FRMD4A: variants seen among roughly 807,000 people sequenced by gnomAD.
FRMD4A encodes FERM domain containing 4A, also known as FERM domain-containing protein 4A.
In FRMD4A, 29 loss-of-function variants were observed where a neutral mutation model predicts 129.1. That is an observed-to-expected ratio of 0.22 (90% CI 0.17 to 0.31). The LOEUF is 0.31. FRMD4A is among the 10% of genes least tolerant of loss of function. The pLI, the probability that FRMD4A is intolerant of heterozygous loss-of-function variation, is 1.00. For synonymous variants in FRMD4A, 634 were observed against 571.6 expected (o/e 1.11, Z -1.56); for missense variants, 1,272 against 1,375.8 (o/e 0.92, Z 1.19).
At position 13,652,030 on chromosome 10, in the gene FRMD4A, A is replaced by T. The variant is rs1467238804; in HGVS notation, c.3051-56T>A. 5.5e-6 allele frequency: 5 copies of T among 901,758 alleles called. No individual in the cohort carries two copies. In the Admixed American group the frequency reaches 8.5e-5, roughly 15 times the overall value. The allele number at this position is 901,758 out of a possible 1,614,324, so 55.9% of individuals were successfully genotyped here. ...AAGAGAGGTCATGTTACAGAGAGAC[A>T]CTGACACAGACACAGACACGATTAG... On this transcript the variant is annotated intron_variant, in intron 23 of 24. Coordinates refer to ENST00000357447, the MANE Select transcript of FRMD4A (RefSeq NM_018027.5).
chr10:14,127,978 C>CTCTTTCTTTCTTTCTTTCTTTCTTTCTTT, intron 2 of FRMD4A, among the ~76,000 whole-genome samples: 1 of 47,854 alleles, frequency 2.1e-5, no homozygotes, highest in African/African-American at 8.5e-5. Flanking sequence ...TTCTTTCTTT[C>CTCTTTCTTTCTTTCTTTCTTTCTTTCTTT]CTTCTCTCTC....
At chr10:13,912,069 G>A (rs1030829008) in intron 2 of FRMD4A, among the ~76,000 whole-genome samples, 5 of 152,122 alleles carry the variant, frequency 3.3e-5, no homozygotes, top group African/African-American at 9.7e-5. Context: ...AAATGAATAT[G>A]CACAATCCAA....
At chr10:13,803,684 T>C (rs553775620) in intron 4 of FRMD4A, among the ~76,000 whole-genome samples, 3 of 152,244 alleles carry the variant, frequency 2.0e-5, no homozygotes, top group Non-Finnish European at 2.9e-5. Context: ...TGTGAATCAC[T>C]TCCTAATCTA....
chr10:13,814,633 AAAAAAGAAAGAAAG>A (rs1254382187), intron 3 of FRMD4A, among the ~76,000 whole-genome samples: 1 of 150,858 alleles, frequency 6.6e-6, no homozygotes, highest in Non-Finnish European at 1.5e-5. Context: ...AGAGAGAGAA[AAAAAAGAAAGAAAG>A]AAAGAGAGAC....
intron 2 of FRMD4A, among the ~76,000 whole-genome samples, chr10:14,069,215 C>T (rs1347803755): frequency 6.6e-6 from 1 of 152,142 alleles, no homozygotes; most frequent in Non-Finnish European, 1.5e-5. Flanking sequence ...TCTTGGTCTG[C>T]CACTAATTCA....
chr10:14,095,348 A>G (rs954745834), intron 2 of FRMD4A, among the ~76,000 whole-genome samples: 3 of 152,172 alleles, frequency 2.0e-5, no homozygotes, highest in African/African-American at 7.2e-5. Context: ...GCTAGCCATC[A>G]CTTTCATGCT....
intron 2 of FRMD4A, among the ~76,000 whole-genome samples, chr10:14,188,475 A>G (rs909727077): frequency 6.6e-6 from 1 of 152,070 alleles, no homozygotes; most frequent in Non-Finnish European, 1.5e-5. Flanking sequence ...TCATTATCCA[A>G]TCATTCCCTC....
intron 2 of FRMD4A, among the ~76,000 whole-genome samples, chr10:13,908,985 C>T (rs2094911826): frequency 1.3e-5 from 2 of 152,326 alleles, no homozygotes; most frequent in Middle Eastern, 3.4e-3. Context: ...GTGAGGCCAT[C>T]GCTGTACAGC....
At chr10:14,235,495 C>T (rs888110923) in intron 2 of FRMD4A, among the ~76,000 whole-genome samples, 3 of 152,124 alleles carry the variant, frequency 2.0e-5, no homozygotes, top group African/African-American at 2.4e-5. Context: ...TGCTAGGAAG[C>T]GCTCTGTTTT....
chr10:14,284,870 G>T (rs1271515504), intron 2 of FRMD4A, among the ~76,000 whole-genome samples: 1 of 152,082 alleles, frequency 6.6e-6, no homozygotes, highest in Non-Finnish European at 1.5e-5. Context: ...CCACTCAAAT[G>T]CTTCTTCCTC....
At chr10:14,150,243 A>G (rs1015260656) in intron 2 of FRMD4A, among the ~76,000 whole-genome samples, 12 of 152,180 alleles carry the variant, frequency 7.9e-5, no homozygotes, top group Admixed American at 2.0e-4. Flanking sequence ...CCTAGTCTAC[A>G]GTATTGATCC....
At chr10:14,030,894 C>T (rs1484990443) in intron 2 of FRMD4A, among the ~76,000 whole-genome samples, 1 of 152,176 alleles carries the variant, frequency 6.6e-6, no homozygotes, top group Non-Finnish European at 1.5e-5. Flanking sequence ...CATCCATCTC[C>T]AGCCCCACCG....
At chr10:14,260,751 C>A (rs905948362) in intron 2 of FRMD4A, among the ~76,000 whole-genome samples, 1 of 152,134 alleles carries the variant, frequency 6.6e-6, no homozygotes, top group Non-Finnish European at 1.5e-5. Context: ...GATGATGAAA[C>A]AGGAATTTTG....
chr10:14,314,529 AAAG>A (rs1846665860), intron 2 of FRMD4A, among the ~76,000 whole-genome samples: 2 of 152,210 alleles, frequency 1.3e-5, no homozygotes, highest in Admixed American at 1.3e-4. Flanking sequence ...TCCCTGATAA[AAAG>A]AAACACAAGG....
intron 2 of FRMD4A, among the ~76,000 whole-genome samples, chr10:13,966,150 G>A (rs1314767495): frequency 2.0e-5 from 3 of 152,114 alleles, no homozygotes. Flanking sequence ...CTCCTCAGTA[G>A]CTGGGATTAC....
At chr10:13,856,864 T>C (rs2094220692) in intron 3 of FRMD4A, among the ~76,000 whole-genome samples, 1 of 152,206 alleles carries the variant, frequency 6.6e-6, no homozygotes, top group Admixed American at 6.6e-5. Context: ...CATTTCCTAT[T>C]CCAGAAGGTG....
At chr10:14,045,419 C>A (rs777899841) in intron 2 of FRMD4A, among the ~76,000 whole-genome samples, 1 of 152,134 alleles carries the variant, frequency 6.6e-6, no homozygotes, top group Admixed American at 6.6e-5. Flanking sequence ...TACTCGCTCT[C>A]TTAATGTCCA....
At chr10:14,021,624 T>C (rs578083801) in intron 2 of FRMD4A, among the ~76,000 whole-genome samples, 1 of 152,166 alleles carries the variant, frequency 6.6e-6, no homozygotes, top group South Asian at 2.1e-4. Flanking sequence ...TCTGTTTCCC[T>C]CTGGGGGAGG....
At chr10:13,666,048 C>T (rs372585124) in intron 18 of FRMD4A, 49 bp downstream of exon 18, 65 of 1,164,314 alleles carry the variant, frequency 5.6e-5, no homozygotes, top group Admixed American at 2.6e-4. Flanking sequence ...GTCTGGTTGC[C>T]GGGGCCCGGG....
Sources: gnomAD v4.1 joint callset for allele counts (sites outside exome capture counted in the v4.1 genomes callset) on GRCh38, gnomAD v4.1.1 for gene constraint, MANE v1.5 for transcripts, NCBI Gene and HGNC (gene_info 2026-07-23, HGNC 2026-07-21) for gene names.